GRIK2: variants seen among roughly 807,000 people sequenced by gnomAD.
The protein encoded by GRIK2 is glutamate receptor ionotropic, kainate 2.
In GRIK2, 32 loss-of-function variants were observed where a neutral mutation model predicts 100.3. That is an observed-to-expected ratio of 0.32 (90% CI 0.24 to 0.43). GRIK2 has a LOEUF of 0.43. Among genes scored for constraint, GRIK2 ranks in the 20% least tolerant of loss-of-function variants. GRIK2 has a pLI of 1.00. For missense variants in GRIK2, 843 were observed against 1,114.9 expected (o/e 0.76, Z 3.47); for synonymous variants, 417 against 389.4 (o/e 1.07, Z -0.83).
At chr6:101,548,953 C>T (rs533509047) in intron 2 of GRIK2, among the ~76,000 whole-genome samples, 1 of 152,224 alleles carries the variant, frequency 6.6e-6, no homozygotes, top group East Asian at 1.9e-4. Context: ...AGTCCATGTT[C>T]CCTTCCTTAT....
chr6:101,632,149 T>A (rs999223205), intron 4 of GRIK2, among the ~76,000 whole-genome samples: 7 of 151,936 alleles, frequency 4.6e-5, no homozygotes, highest in Admixed American at 2.0e-4. Context: ...CCGGCTTGGG[T>A]GTCACAAAGA....
chr6:102,033,763 G>C (rs929136961), intron 14 of GRIK2, among the ~76,000 whole-genome samples: 1 of 151,342 alleles, frequency 6.6e-6, no homozygotes. Context: ...GTGCTGGAAA[G>C]TATTTCAAGA....
At chr6:101,419,107 T>C (rs940680101) in intron 2 of GRIK2, among the ~76,000 whole-genome samples, 1 of 152,186 alleles carries the variant, frequency 6.6e-6, no homozygotes, top group African/African-American at 2.4e-5. Context: ...TTTTCTGGGG[T>C]AGACAGCTAT....
intron 3 of GRIK2, among the ~76,000 whole-genome samples, chr6:101,624,839 C>T (rs1261492836): frequency 6.6e-6 from 1 of 152,152 alleles, no homozygotes; most frequent in Non-Finnish European, 1.5e-5. Context: ...TCAAGTGATC[C>T]TCCCACCTCA....
intron 7 of GRIK2, among the ~76,000 whole-genome samples, chr6:101,692,039 C>CAAAAAAAA (rs60210939): frequency 2.6e-5 from 2 of 78,390 alleles, no homozygotes; most frequent in African/African-American, 9.7e-5. Flanking sequence ...CACCCCGTCT[C>CAAAAAAAA]AAAAAAAAAA....
intron 7 of GRIK2, among the ~76,000 whole-genome samples, chr6:101,739,506 C>T (rs958744862): frequency 6.6e-6 from 1 of 152,012 alleles, no homozygotes; most frequent in African/African-American, 2.4e-5. Context: ...GCTCAAGGAC[C>T]CTGGGCAAAG....
chr6:101,887,373 G>A (rs1249553347), intron 11 of GRIK2, among the ~76,000 whole-genome samples: 1 of 152,100 alleles, frequency 6.6e-6, no homozygotes. Context: ...TATATGGTTT[G>A]TATGTGACAA....
intron 7 of GRIK2, among the ~76,000 whole-genome samples, chr6:101,754,272 A>G (rs1180407924): frequency 1.3e-5 from 2 of 152,192 alleles, no homozygotes; most frequent in Non-Finnish European, 2.9e-5. Flanking sequence ...TCCAAAAGGT[A>G]TCTTAATTTG....
At chr6:101,915,391 T>TA (rs933055086) in intron 12 of GRIK2, among the ~76,000 whole-genome samples, 14 of 151,228 alleles carry the variant, frequency 9.3e-5, no homozygotes, top group Admixed American at 3.3e-4. Flanking sequence ...AGTAAAAAAT[T>TA]AAAAAAACAA....
intron 7 of GRIK2, among the ~76,000 whole-genome samples, chr6:101,742,807 T>C (rs887444591): frequency 6.6e-6 from 1 of 152,152 alleles, no homozygotes; most frequent in African/African-American, 2.4e-5. Flanking sequence ...AAATGTTTTT[T>C]ATCATACTTA....
At chr6:102,052,702 A>G (rs1212661466) in intron 15 of GRIK2, among the ~76,000 whole-genome samples, 6 of 152,206 alleles carry the variant, frequency 3.9e-5, no homozygotes, top group African/African-American at 1.4e-4. Flanking sequence ...CAAAATAAAT[A>G]CTTAAGTGGA....
chr6:101,533,373 G>C (rs926327186), intron 2 of GRIK2, among the ~76,000 whole-genome samples: 2 of 151,216 alleles, frequency 1.3e-5, no homozygotes, highest in Admixed American at 6.6e-5. Context: ...AGGGATTAAT[G>C]TATCAATTAG....
At chr6:101,653,024 A>C (rs1453437252) in intron 4 of GRIK2, among the ~76,000 whole-genome samples, 1 of 146,550 alleles carries the variant, frequency 6.8e-6, no homozygotes, top group Non-Finnish European at 1.5e-5. Flanking sequence ...CTGTCTCTCT[A>C]TCTTTTCACC....
chr6:101,717,418 G>T (rs1774149498), intron 7 of GRIK2, among the ~76,000 whole-genome samples: 1 of 151,764 alleles, frequency 6.6e-6, no homozygotes, highest in Non-Finnish European at 1.5e-5. Flanking sequence ...TATCAAAAAT[G>T]GATATATTCA....
chr6:101,665,866 G>A (rs1180345352), intron 4 of GRIK2, among the ~76,000 whole-genome samples: 1 of 152,182 alleles, frequency 6.6e-6, no homozygotes, highest in Non-Finnish European at 1.5e-5. Flanking sequence ...CTGGAAAGGT[G>A]AGTTGCTGTT....
intron 2 of GRIK2, among the ~76,000 whole-genome samples, chr6:101,621,036 T>C (rs1440318576): frequency 2.6e-5 from 4 of 152,186 alleles, no homozygotes; most frequent in Admixed American, 2.0e-4. Flanking sequence ...TTGCATTGTT[T>C]TGGAGAGGCA....
At chr6:101,637,494 AT>A (rs1308841146) in intron 4 of GRIK2, among the ~76,000 whole-genome samples, 1 of 151,824 alleles carries the variant, frequency 6.6e-6, no homozygotes, top group Non-Finnish European at 1.5e-5. Flanking sequence ...TAGACTTCCC[AT>A]TTTTATCTCA....
At chr6:101,863,225 A>C (rs1213287735) in intron 11 of GRIK2, among the ~76,000 whole-genome samples, 1 of 152,214 alleles carries the variant, frequency 6.6e-6, no homozygotes, top group African/African-American at 2.4e-5. Flanking sequence ...TTTAATCAGC[A>C]ATGTTATCTC....
At chr6:101,796,865 T>A (rs1447520570) in intron 7 of GRIK2, among the ~76,000 whole-genome samples, 1 of 152,136 alleles carries the variant, frequency 6.6e-6, no homozygotes, top group Non-Finnish European at 1.5e-5. Flanking sequence ...TATAGTTTAA[T>A]AATATTATCT....
Sources: gnomAD v4.1 joint callset for allele counts (sites outside exome capture counted in the v4.1 genomes callset) on GRCh38, gnomAD v4.1.1 for gene constraint, MANE v1.5 for transcripts, NCBI Gene and HGNC (gene_info 2026-07-23, HGNC 2026-07-21) for gene names.